Variants in CARM1 observed in about 807,000 individuals in gnomAD.
CARM1 encodes the protein histone-arginine methyltransferase CARM1.
Under a neutral mutation model 72.7 loss-of-function variants are expected in CARM1, and 14 were observed. The observed-to-expected ratio is 0.19, with a 90% CI of 0.13 to 0.30. The LOEUF is 0.30. CARM1 is among the 10% of genes least tolerant of loss of function. The pLI, the probability that CARM1 is intolerant of heterozygous loss-of-function variation, is 1.00. For synonymous variants in CARM1, 333 were observed against 345.5 expected (o/e 0.96, Z 0.40); for missense variants, 432 against 833.7 (o/e 0.52, Z 5.93).
intron 1 of CARM1, among the ~76,000 whole-genome samples, chr19:10,891,482 G>T (rs1285759820): frequency 6.6e-6 from 1 of 152,140 alleles, no homozygotes; most frequent in African/African-American, 2.4e-5. Flanking sequence ...CGTGGGGTGG[G>T]TGCAGGGCTT....
intron 1 of CARM1, among the ~76,000 whole-genome samples, chr19:10,893,101 G>A (rs1157201755): frequency 6.6e-6 from 1 of 151,754 alleles, no homozygotes; most frequent in Admixed American, 6.6e-5. Context: ...TTTTTGCCCA[G>A]GTTGGAGTGG....
intron 1 of CARM1, among the ~76,000 whole-genome samples, chr19:10,899,544 G>A (rs1443472425): frequency 1.3e-5 from 2 of 152,038 alleles, no homozygotes; most frequent in Non-Finnish European, 2.9e-5. Context: ...ACACCCTCCT[G>A]GCAGGGCTCA....
Position 10,913,248 on chromosome 19 carries a change from A to G in CARM1, c.670-629A>G, listed in dbSNP as rs1384858969. Among the ~76,000 whole-genome samples the G allele has an allele frequency of 2.0e-5, 3 of 152,022 alleles. No individual in the cohort carries two copies. In the East Asian group the frequency reaches 5.8e-4, roughly 29 times the overall value. On this transcript the variant is annotated intron_variant, in intron 5 of 15. Transcript: ENST00000327064. ...GGCTCCTGAATAGCTGGGATCCACC[A>G]CTGCAACTGGCTAATTTTTGTATTT...
Position 10,912,107 on chromosome 19 carries a change from C to A in CARM1, c.559-77C>A. 9.9e-7 allele frequency: 1 copy of A among 1,013,202 alleles called. No individual in the cohort carries two copies. Among genetic ancestry groups the A allele is most frequent in the Non-Finnish European group, 1.6e-6 (1 of 631,494 alleles). The allele number at this position is 1,013,202 out of a possible 1,614,324, so 62.8% of individuals were successfully genotyped here. ...GAAGACAGACGCCTCATGATGTGCACATCCCTTATGATCACTGTCACCTCC... is the reference window on the plus strand; with the variant it reads ...GAAGACAGACGCCTCATGATGTGCAAATCCCTTATGATCACTGTCACCTCC... On this transcript the variant is annotated intron_variant, in intron 4 of 15. Transcript: ENST00000327064. The surrounding 1 kb of genome is among the most constrained non-coding windows in gnomAD (Gnocchi z 4.5).
chr19:10,895,617 G>A (rs1370865853), intron 1 of CARM1, among the ~76,000 whole-genome samples: 2 of 152,186 alleles, frequency 1.3e-5, no homozygotes, highest in Non-Finnish European at 2.9e-5. Context: ...GCACAGTGAG[G>A]GCAGGCTAGC....
chr19:10,911,472 G>A (rs1336021898), intron 4 of CARM1, among the ~76,000 whole-genome samples: 3 of 152,192 alleles, frequency 2.0e-5, no homozygotes. Context: ...CCCCAAGGAT[G>A]GAGATCCATT....
chr19:10,908,268 C>T, intron 3 of CARM1, 123 bp downstream of exon 3: 1 of 653,242 alleles, frequency 1.5e-6, no homozygotes, highest in Non-Finnish European at 2.7e-6. Context: ...CTGTCCCTTA[C>T]TGGCCATGTA....
chr19:10,899,415 G>A (rs2074047932), intron 1 of CARM1, among the ~76,000 whole-genome samples: 1 of 152,254 alleles, frequency 6.6e-6, no homozygotes, highest in Admixed American at 6.5e-5. Context: ...ACGGGTATGA[G>A]TGTGGGCACC....
chr19:10,875,176 C>T (rs2073853602), intron 1 of CARM1, among the ~76,000 whole-genome samples: 1 of 152,152 alleles, frequency 6.6e-6, no homozygotes, highest in African/African-American at 2.4e-5. Context: ...AGTCTGAAAT[C>T]ATGGTACTGG....
At position 10,896,616 on chromosome 19, in the gene CARM1, G is replaced by A. The variant is rs375337952; in HGVS notation, c.221-8335G>A. Among the ~76,000 whole-genome samples the A allele has an allele frequency of 2.6e-5, 4 of 152,126 alleles. No homozygotes were observed. Among genetic ancestry groups the A allele is most frequent in the African/African-American group, 4.8e-5 (2 of 41,414 alleles). The stretch of plus-strand genomic sequence containing the variant: ...AGCGCCCCTACCCACATCAACCCAC[G>A]TTTCTTGGAGGTCTGTCCCAGTAGC... On this transcript the variant is annotated intron_variant, in intron 1 of 15. Transcript: ENST00000327064. The surrounding 1 kb of genome is among the most constrained non-coding windows in gnomAD (Gnocchi z 5.2).
At chr19:10,884,446 C>T (rs924356819) in intron 1 of CARM1, among the ~76,000 whole-genome samples, 1 of 152,092 alleles carries the variant, frequency 6.6e-6, no homozygotes, top group Non-Finnish European at 1.5e-5. Context: ...CTTGGCCTCC[C>T]AAAGATCTAG....
intron 1 of CARM1, 44 bp from the exon 2 acceptor site, chr19:10,904,907 C>T: frequency 6.3e-7 from 1 of 1,594,880 alleles, no homozygotes; most frequent in Middle Eastern, 1.7e-4. Context: ...AAGAAGGCAG[C>T]TGACAGGGCT....
At chr19:10,898,469 C>T (rs1305029899) in intron 1 of CARM1, among the ~76,000 whole-genome samples, 1 of 152,254 alleles carries the variant, frequency 6.6e-6, no homozygotes, top group Non-Finnish European at 1.5e-5. Flanking sequence ...CATGCGCCGG[C>T]TGATGCCGCA....
chr19:10,907,316 G>A lies in CARM1; in HGVS notation c.347-723G>A, dbSNP rs183817422. ...CTCCCAATGTGCTGGGATTACAGTT[G>A]AGAACCACTGTCCCCAGCCAAATAG... On this transcript the variant is annotated intron_variant, in intron 2 of 15. Coordinates refer to ENST00000327064, the MANE Select transcript of CARM1 (RefSeq NM_199141.2). Among the ~76,000 whole-genome samples, 873 of 151,964 alleles carry A rather than the reference G, an allele frequency of 5.7e-3. 14 individuals carry two copies. Among genetic ancestry groups the A allele is most frequent in the Non-Finnish European group, 4.1e-3 (279 of 67,962 alleles).
chr19:10,901,482 A>T lies in CARM1; in HGVS notation c.221-3469A>T, dbSNP rs559697999. 2.0e-5 allele frequency among the ~76,000 whole-genome samples: 3 copies of T among 151,524 alleles called. No individual in the cohort carries two copies. The South Asian group carries it at 6.3e-4, about 32-fold the overall frequency. On this transcript the variant is annotated intron_variant, in intron 1 of 15. Coordinates refer to ENST00000327064, the MANE Select transcript of CARM1 (RefSeq NM_199141.2). ...CAGGCATGCACCACCATGCCCGGCTAATTTTGTTTATTTTTTTGTAGCGAT... is the reference window on the plus strand; with the variant it reads ...CAGGCATGCACCACCATGCCCGGCTTATTTTGTTTATTTTTTTGTAGCGAT...
At chr19:10,879,626 T>C (rs1223128517) in intron 1 of CARM1, among the ~76,000 whole-genome samples, 3 of 152,120 alleles carry the variant, frequency 2.0e-5, no homozygotes, top group African/African-American at 7.2e-5. Flanking sequence ...TTTTTGGTTT[T>C]TTTGGAGATG....
At position 10,916,100 on chromosome 19, in the gene CARM1, C is replaced by T. The variant is rs2145239601; in HGVS notation, c.848-307C>T. On this transcript the variant is annotated intron_variant, in intron 6 of 15. Coordinates refer to ENST00000327064, the MANE Select transcript of CARM1 (RefSeq NM_199141.2). This position sits in a 1 kb window ranked among gnomAD's most constrained non-coding sequence, Gnocchi z 4.4. ...GCGCCTGGCCACATCCCGGGCACTG[C>T]CTGCTTCCCCGTGAGTCTTTGGCAG... Among the ~76,000 whole-genome samples, 1 of 152,350 alleles carries T rather than the reference C, an allele frequency of 6.6e-6. No homozygotes were observed. Among genetic ancestry groups the T allele is most frequent in the Non-Finnish European group, 1.5e-5 (1 of 68,032 alleles).
intron 1 of CARM1, among the ~76,000 whole-genome samples, chr19:10,888,751 A>AGCCCCAGGCGGTG (rs2073960238): frequency 6.6e-6 from 1 of 152,196 alleles, no homozygotes; most frequent in Non-Finnish European, 1.5e-5. Context: ...TAGTGCACAA[A>AGCCCCAGGCGGTG]GCCCCAGGCG....
At chr19:10,875,171 G>A (rs1414804535) in intron 1 of CARM1, among the ~76,000 whole-genome samples, 1 of 152,162 alleles carries the variant, frequency 6.6e-6, no homozygotes, top group Non-Finnish European at 1.5e-5. Context: ...TCAGAAGTCT[G>A]AAATCATGGT....
Sources: allele counts gnomAD v4.1 joint callset (sites outside exome capture counted in the v4.1 genomes callset), GRCh38; gene constraint gnomAD v4.1.1; non-coding constraint Gnocchi (gnomAD v3.1); transcripts MANE v1.5; gene names NCBI Gene and HGNC (gene_info 2026-07-23, HGNC 2026-07-21).